Variants in RHOBTB1 observed in about 807,000 individuals in gnomAD.
The protein encoded by RHOBTB1 is rho-related BTB domain-containing protein 1.
In RHOBTB1, 40 loss-of-function variants were observed where a neutral mutation model predicts 71.6. That is an observed-to-expected ratio of 0.56 (90% CI 0.43 to 0.73). RHOBTB1 has a LOEUF of 0.73. Ranked by LOEUF, RHOBTB1 falls within the 30% of genes least tolerant of loss-of-function variation. RHOBTB1 has a pLI of 0.00. For synonymous variants in RHOBTB1, 319 were observed against 334.9 expected (o/e 0.95, Z 0.52); for missense variants, 797 against 894.0 (o/e 0.89, Z 1.38).
rs530682430 is a variant in RHOBTB1, at chr10:60,951,715, C to A, written c.-61-9861G>T. Among the ~76,000 whole-genome samples the A allele has an allele frequency of 1.1e-4, 17 of 152,288 alleles. 1 individual carries two copies. The South Asian group carries it at 3.5e-3, about 32-fold the overall frequency. On this transcript the variant is annotated intron_variant, in intron 2 of 11. Coordinates refer to the RHOBTB1 transcript ENST00000357917. ...TTCATGCTTCTCCATCCCCATGGTG[C>A]TTTGAATGGCACTTTGGGCAGGAAA...
intron 7 of RHOBTB1, among the ~76,000 whole-genome samples, chr10:60,884,810 A>G (rs2081490966): frequency 6.6e-6 from 1 of 152,196 alleles, no homozygotes; most frequent in African/African-American, 2.4e-5. Context: ...AGAGTAGAAG[A>G]GTGATTACCA....
chr10:60,921,801 T>C (rs1264945209), intron 2 of RHOBTB1, among the ~76,000 whole-genome samples: 3 of 152,228 alleles, frequency 2.0e-5, no homozygotes, highest in African/African-American at 4.8e-5. Context: ...AAGCCTGCAG[T>C]TGGTGAGAGA....
intron 2 of RHOBTB1, among the ~76,000 whole-genome samples, chr10:60,968,193 G>A (rs1416370523): frequency 6.6e-6 from 1 of 152,120 alleles, no homozygotes; most frequent in African/African-American, 2.4e-5. Context: ...TGCTCAATGT[G>A]TCTCTGGAGA....
intron 5 of RHOBTB1, among the ~76,000 whole-genome samples, chr10:60,889,386 T>C (rs1002847537): frequency 1.3e-5 from 2 of 152,202 alleles, no homozygotes; most frequent in African/African-American, 4.8e-5. Flanking sequence ...TTTCAAATAT[T>C]TCAGAGTTTC....
chr10:60,892,667 T>C, intron 5 of RHOBTB1, 143 bp downstream of exon 5: 1 of 646,036 alleles, frequency 1.5e-6, no homozygotes, highest in South Asian at 2.9e-5. Context: ...ACACTCCTCA[T>C]GATTTATGGG....
At chr10:60,984,147 T>G (rs185141787) in intron 2 of RHOBTB1, among the ~76,000 whole-genome samples, 1 of 152,172 alleles carries the variant, frequency 6.6e-6, no homozygotes, top group Admixed American at 6.5e-5. Context: ...CCAGTTAATA[T>G]GCACGTACCT....
At chr10:60,906,331 T>C (rs984699946) in intron 4 of RHOBTB1, among the ~76,000 whole-genome samples, 3 of 152,236 alleles carry the variant, frequency 2.0e-5, no homozygotes, top group Non-Finnish European at 2.9e-5. Flanking sequence ...AAGTTATTTG[T>C]TGTGGAATAA....
intron 2 of RHOBTB1, among the ~76,000 whole-genome samples, chr10:60,938,805 T>C (rs954318660): frequency 6.6e-6 from 1 of 152,170 alleles, no homozygotes; most frequent in Non-Finnish European, 1.5e-5. Context: ...CTCTGTTTCC[T>C]AGTAGTTCTT....
At chr10:60,983,974 G>A (rs73268015) in intron 2 of RHOBTB1, among the ~76,000 whole-genome samples, 3,602 of 152,136 alleles carry the variant, frequency 0.024, 146 homozygotes, top group African/African-American at 0.081. Flanking sequence ...TATCACTTAC[G>A]TACTTTAATT....
chr10:60,942,345 A>G (rs2084943354), intron 1 of RHOBTB1, among the ~76,000 whole-genome samples: 1 of 152,196 alleles, frequency 6.6e-6, no homozygotes, highest in African/African-American at 2.4e-5. Context: ...ATGTGTTTCT[A>G]TTTCCACCTG....
intron 1 of RHOBTB1, among the ~76,000 whole-genome samples, chr10:60,986,818 C>T (rs2086683903): frequency 6.6e-6 from 1 of 152,074 alleles, no homozygotes; most frequent in Non-Finnish European, 1.5e-5. Context: ...AATCAGGAAA[C>T]CTTAAATACA....
the RHOBTB1 span, among the ~76,000 whole-genome samples, chr10:60,861,916 C>T: frequency 2.0e-5 from 3 of 152,170 alleles, no homozygotes; most frequent in African/African-American, 7.2e-5. Flanking sequence ...AAAGATGATC[C>T]AAGGAAAGAT....
At chr10:60,865,395 T>C (rs2080632088), downstream of RHOBTB1, among the ~76,000 whole-genome samples, 1 of 152,250 alleles carries the variant, frequency 6.6e-6, no homozygotes, top group African/African-American at 2.4e-5. Context: ...GTGTGTAATG[T>C]GATGCTTTGC....
intron 2 of RHOBTB1, among the ~76,000 whole-genome samples, chr10:60,961,692 C>T (rs1294435856): frequency 2.0e-5 from 3 of 152,056 alleles, no homozygotes; most frequent in African/African-American, 4.8e-5. Flanking sequence ...AGTTCAAATG[C>T]ATTGCTGTAT....
At chr10:60,867,616 A>G (rs1252624567), downstream of RHOBTB1, among the ~76,000 whole-genome samples, 1 of 152,252 alleles carries the variant, frequency 6.6e-6, no homozygotes, top group Admixed American at 6.5e-5. Context: ...TTCATAAATT[A>G]CTTTCATATT....
intron 2 of RHOBTB1, among the ~76,000 whole-genome samples, chr10:60,981,761 G>T (rs2086503081): frequency 6.6e-6 from 1 of 151,904 alleles, no homozygotes; most frequent in African/African-American, 2.4e-5. Flanking sequence ...ACAGTCACTT[G>T]GTATTATAAG....
At chr10:60,940,648 T>A (rs1006711501) in intron 2 of RHOBTB1, among the ~76,000 whole-genome samples, 2 of 152,256 alleles carry the variant, frequency 1.3e-5, no homozygotes, top group African/African-American at 2.4e-5. Context: ...GAGTTTGAGA[T>A]ACTGCAATTT....
At chr10:60,998,914 C>T (rs2087156064) in intron 1 of RHOBTB1, among the ~76,000 whole-genome samples, 1 of 152,204 alleles carries the variant, frequency 6.6e-6, no homozygotes, top group South Asian at 2.1e-4. Context: ...CCTGGCTTTT[C>T]TATTCATAAA....
intron 1 of RHOBTB1, among the ~76,000 whole-genome samples, chr10:60,991,249 C>T (rs767592095): frequency 2.6e-5 from 4 of 152,166 alleles, no homozygotes; most frequent in Non-Finnish European, 2.9e-5. Context: ...CAGCACTCCC[C>T]ACACCCCCAC....
Sources: allele counts gnomAD v4.1 joint callset (sites outside exome capture counted in the v4.1 genomes callset), GRCh38; gene constraint gnomAD v4.1.1; transcripts MANE v1.5; gene names NCBI Gene and HGNC (gene_info 2026-07-23, HGNC 2026-07-21).